PIP5K1B: variants seen among roughly 807,000 people sequenced by gnomAD.
The protein encoded by PIP5K1B is phosphatidylinositol-4-phosphate 5-kinase type 1 beta, also known as phosphatidylinositol 4-phosphate 5-kinase type-1 beta.
A neutral mutation model predicts 67.0 loss-of-function variants in PIP5K1B; 42 were observed. The ratio of observed to expected loss-of-function variants is 0.63; its 90% CI spans 0.49 to 0.81. The LOEUF is 0.81. Among genes scored for constraint, PIP5K1B ranks in the 30% least tolerant of loss-of-function variants. The pLI is 0.00. For missense variants in PIP5K1B, 459 were observed against 646.3 expected (o/e 0.71, Z 3.14); for synonymous variants, 214 against 231.4 (o/e 0.92, Z 0.68).
intron 15 of PIP5K1B, among the ~76,000 whole-genome samples, chr9:68,998,821 C>T (rs747752410): frequency 3.9e-5 from 6 of 152,128 alleles, no homozygotes; most frequent in Non-Finnish European, 7.4e-5. Flanking sequence ...AAGGACTATT[C>T]GGTTTATAAA....
At chr9:68,973,890 G>A (rs944293141) in intron 14 of PIP5K1B, among the ~76,000 whole-genome samples, 6 of 152,150 alleles carry the variant, frequency 3.9e-5, no homozygotes, top group Admixed American at 3.9e-4. Context: ...TTTTTTCGGG[G>A]TAGGGGAGAC....
At chr9:68,713,830 G>A (rs1052670344) in intron 1 of PIP5K1B, among the ~76,000 whole-genome samples, 3 of 152,192 alleles carry the variant, frequency 2.0e-5, no homozygotes, top group African/African-American at 7.2e-5. Context: ...TGACTGTGCT[G>A]AGAGCTTACT....
chr9:68,859,406 T>C (rs988187851), intron 4 of PIP5K1B, among the ~76,000 whole-genome samples: 4 of 152,222 alleles, frequency 2.6e-5, no homozygotes, highest in African/African-American at 9.6e-5. Context: ...GAGGTTTTTC[T>C]AGTATCCAGG....
intron 4 of PIP5K1B, among the ~76,000 whole-genome samples, chr9:68,848,298 T>G (rs573266682): frequency 1.3e-5 from 2 of 152,310 alleles, no homozygotes; most frequent in South Asian, 4.1e-4. Context: ...AGATACCTGA[T>G]CATTTCTTAC....
intron 1 of PIP5K1B, among the ~76,000 whole-genome samples, chr9:68,735,314 G>GTTTTTTTTTTT (rs1335685051): frequency 3.6e-4 from 6 of 16,576 alleles, no homozygotes; most frequent in Non-Finnish European, 5.1e-4. Context: ...TTCCCCTAGT[G>GTTTTTTTTTTT]TCTTTTTTTT....
chr9:68,879,745 T>G (rs1824077783), intron 6 of PIP5K1B, among the ~76,000 whole-genome samples: 1 of 152,186 alleles, frequency 6.6e-6, no homozygotes, highest in Non-Finnish European at 1.5e-5. Flanking sequence ...ATTACTCTTA[T>G]TTGATCATTA....
chr9:68,952,222 T>A (rs1228683397), intron 14 of PIP5K1B, among the ~76,000 whole-genome samples: 1 of 152,268 alleles, frequency 6.6e-6, no homozygotes, highest in Non-Finnish European at 1.5e-5. Flanking sequence ...TGTGTATTTT[T>A]CCTTAATAGA....
intron 15 of PIP5K1B, among the ~76,000 whole-genome samples, chr9:68,997,505 A>G (rs1047497546): frequency 6.6e-6 from 1 of 152,210 alleles, no homozygotes; most frequent in African/African-American, 2.4e-5. Flanking sequence ...GGAAGGAGAA[A>G]AGACAAACAC....
At chr9:68,952,665 TATTTTGG>T (rs1828140288) in intron 14 of PIP5K1B, among the ~76,000 whole-genome samples, 1 of 152,132 alleles carries the variant, frequency 6.6e-6, no homozygotes, top group East Asian at 1.9e-4. Context: ...AGATTGCAAA[TATTTTGG>T]ATTTTTTTTT....
chr9:68,822,453 T>C (rs1833776004), intron 3 of PIP5K1B, 162 bp from the exon 4 acceptor site: 1 of 520,490 alleles, frequency 1.9e-6, no homozygotes, highest in Non-Finnish European at 3.5e-6. Context: ...TGCAGATTTC[T>C]TTTTTAGTAT....
intron 2 of PIP5K1B, among the ~76,000 whole-genome samples, chr9:68,814,696 G>A (rs572803367): frequency 2.0e-5 from 3 of 151,818 alleles, no homozygotes; most frequent in Non-Finnish European, 4.4e-5. Context: ...GGCGTGCACC[G>A]GTAATCCCAG....
chr9:68,994,149 T>C (rs1019238831), intron 15 of PIP5K1B, among the ~76,000 whole-genome samples: 28 of 150,926 alleles, frequency 1.9e-4, no homozygotes, highest in Middle Eastern at 3.4e-3. Context: ...CAAGCGATTC[T>C]CCTGCCTCAG....
chr9:68,927,218 T>C (rs187540995), intron 12 of PIP5K1B, among the ~76,000 whole-genome samples: 3 of 152,374 alleles, frequency 2.0e-5, no homozygotes, highest in East Asian at 1.9e-4. Flanking sequence ...TTATGAATAA[T>C]GCTGTTACGA....
intron 2 of PIP5K1B, among the ~76,000 whole-genome samples, chr9:68,761,329 A>G (rs1195497917): frequency 3.3e-5 from 5 of 152,126 alleles, no homozygotes; most frequent in Non-Finnish European, 5.9e-5. Context: ...TCATTAAGAT[A>G]TGGTAGTCTG....
At chr9:68,798,897 G>A (rs932721260) in intron 2 of PIP5K1B, among the ~76,000 whole-genome samples, 4 of 152,186 alleles carry the variant, frequency 2.6e-5, no homozygotes, top group African/African-American at 9.7e-5. Context: ...ACAAAAGATG[G>A]TTTTGAGAAA....
intron 1 of PIP5K1B, among the ~76,000 whole-genome samples, chr9:68,738,024 T>G (rs1396058548): frequency 6.6e-6 from 1 of 152,254 alleles, no homozygotes; most frequent in Non-Finnish European, 1.5e-5. Flanking sequence ...TCTATTCATA[T>G]GCCATAACAT....
chr9:68,952,066 T>C (rs1360151605), intron 14 of PIP5K1B, among the ~76,000 whole-genome samples: 1 of 151,986 alleles, frequency 6.6e-6, no homozygotes, highest in Non-Finnish European at 1.5e-5. Flanking sequence ...TATAGTTACA[T>C]CTTGACTGTA....
At chr9:68,891,758 T>G (rs545575624) in intron 7 of PIP5K1B, among the ~76,000 whole-genome samples, 3 of 152,314 alleles carry the variant, frequency 2.0e-5, no homozygotes, top group South Asian at 2.1e-4. Flanking sequence ...AGAAGTGATA[T>G]GACTCCAGCA....
chr9:68,819,202 C>T (rs1234091210), intron 3 of PIP5K1B, among the ~76,000 whole-genome samples: 6 of 152,148 alleles, frequency 3.9e-5, no homozygotes, highest in African/African-American at 9.7e-5. Context: ...TTGGTATCTG[C>T]GGGAGATTGA....
Sources: allele counts gnomAD v4.1 joint callset (sites outside exome capture counted in the v4.1 genomes callset), GRCh38; gene constraint gnomAD v4.1.1; transcripts MANE v1.5; gene names NCBI Gene and HGNC (gene_info 2026-07-23, HGNC 2026-07-21).